Variants in MYH11 observed in about 807,000 individuals in gnomAD.
MYH11 encodes myosin heavy chain 11.
A neutral mutation model predicts 246.6 loss-of-function variants in MYH11; 80 were observed. That is an observed-to-expected ratio of 0.32 (90% CI 0.27 to 0.39). The LOEUF (loss-of-function observed/expected upper bound fraction) is 0.39. MYH11 is among the 10% of genes least tolerant of loss of function. The probability of loss-of-function intolerance (pLI) is 1.00; values close to 1 mark genes in which losing one functional copy is unlikely to be tolerated. For synonymous variants in MYH11, 1,071 were observed against 1,015.5 expected, an observed-to-expected ratio of 1.05 and a Z score of -1.04; for missense variants, 2,158 against 2,546.8, an observed-to-expected ratio of 0.85 and a Z score of 3.29.
intron 40 of MYH11, among the ~76,000 whole-genome samples, chr16:15,709,774 A>G (rs1240970496): frequency 6.6e-6 from 1 of 152,224 alleles, no homozygotes; most frequent in African/African-American, 2.4e-5. Context: ...GTCCCAGGCA[A>G]GGAACCTGCA....
intron 3 of MYH11, among the ~76,000 whole-genome samples, chr16:15,803,273 GTTTAA>G (rs2042930873): frequency 7.6e-6 from 1 of 130,936 alleles, no homozygotes; most frequent in African/African-American, 3.4e-5. Context: ...TGGGAAACCA[GTTTAA>G]TTTTTTTTTT....
At chr16:15,834,823 G>C (rs780006140) in intron 2 of MYH11, among the ~76,000 whole-genome samples, 7 of 151,810 alleles carry the variant, frequency 4.6e-5, no homozygotes, top group Non-Finnish European at 8.8e-5. Context: ...TAATCCCAGC[G>C]CCGTGAAAAG....
intron 10 of MYH11, among the ~76,000 whole-genome samples, chr16:15,762,915 G>T (rs866591109): frequency 1.5e-4 from 23 of 152,144 alleles, no homozygotes; most frequent in African/African-American, 5.6e-4. Flanking sequence ...TATACAGCCT[G>T]GGCTGGGAAA....
intron 37 of MYH11, 80 bp from the exon 38 acceptor site, chr16:15,717,428 T>C: frequency 6.7e-7 from 1 of 1,486,378 alleles, no homozygotes; most frequent in South Asian, 1.1e-5. Flanking sequence ...CTTCCTGCCT[T>C]GTTTGGCCTC....
At chr16:15,789,507 G>C (rs1475854016) in intron 4 of MYH11, among the ~76,000 whole-genome samples, 3 of 152,152 alleles carry the variant, frequency 2.0e-5, no homozygotes, top group Non-Finnish European at 4.4e-5. Flanking sequence ...GGAGAAGCAG[G>C]ATTTGAACGT....
At chr16:15,752,011 C>T (rs761522111) in intron 15 of MYH11, among the ~76,000 whole-genome samples, 9 of 151,812 alleles carry the variant, frequency 5.9e-5, no homozygotes, top group Admixed American at 2.0e-4. Flanking sequence ...AGACTGGTCT[C>T]GAACTCTTGA....
Position 15,721,249 on chromosome 16 carries a change from C to T in MYH11, c.4578+173G>A, listed in dbSNP as rs147037725. On this transcript the variant is annotated intron_variant, in intron 32 of 40. Transcript: ENST00000300036. ...GGACCCCCCAACTCAGACCCATCCT[C>T]GACTGCCATTCTCAGCCCCTCCCAG... 1,652 of 944,096 alleles carry T rather than the reference C, an allele frequency of 1.7e-3. 18 individuals are homozygous for T. In the African/African-American group the frequency reaches 0.025, roughly 14 times the overall value. The allele number at this position is 944,096 out of a possible 1,614,324, so 58.5% of individuals were successfully genotyped here. A position where few individuals can be genotyped will look rare whatever the true frequency, so the allele number is the denominator to read the frequency against.
At chr16:15,772,203 T>C (rs1344849281) in intron 8 of MYH11, among the ~76,000 whole-genome samples, 4 of 147,356 alleles carry the variant, frequency 2.7e-5, no homozygotes, top group East Asian at 4.2e-4. Context: ...GCGATTCTCC[T>C]GCCTCAACCT....
In MYH11 at chr16:15,753,314, C is replaced by T. The variant is rs951933838; in HGVS notation, c.1864+80G>A. 2.1e-5 allele frequency: 27 copies of T among 1,260,040 alleles called. No individual in the cohort carries two copies. In the Admixed American group the frequency reaches 4.8e-4, roughly 23 times the overall value. 78.1% of individuals were successfully genotyped at this position (1,260,040 alleles called of 1,614,324 possible). On this transcript the variant is annotated intron_variant, in intron 15 of 40. Transcript: ENST00000300036. ...CATGTAAAGGCCTCCCCTCCTGGGGCAGGTGTGAGAGTCGGGGGACTTGGG... is the reference window on the plus strand; with the variant it reads ...CATGTAAAGGCCTCCCCTCCTGGGGTAGGTGTGAGAGTCGGGGGACTTGGG...
chr16:15,781,333 G>A (rs1047377293), intron 6 of MYH11, among the ~76,000 whole-genome samples: 1 of 152,086 alleles, frequency 6.6e-6, no homozygotes, highest in Non-Finnish European at 1.5e-5. Context: ...TCTAATTTCG[G>A]GCGAGGAAAG....
chr16:15,729,707 C>T (rs895042391), intron 27 of MYH11, among the ~76,000 whole-genome samples: 1 of 152,098 alleles, frequency 6.6e-6, no homozygotes, highest in East Asian at 1.9e-4. Context: ...ACCGCCACCA[C>T]GTCCAGCTAA....
In MYH11 at chr16:15,719,616, C is replaced by T. The variant is rs755664838; in HGVS notation, c.5051G>A (p.Ser1684Asn). ...TAKENEKKAK[S>N]LEADLMQLQE... ...TAGCTGCATGAGGTCTGCTTCCAAG[C>T]TCTTGGCTTTCTTCTCATTCTCTTT... Residue 1684 changes from serine (S) to asparagine (N), a missense_variant, in exon 35 of 41, where the codon AGC becomes AAC. This residue lies in a region of MYH11 where 1,013 missense variants were observed against 993.5 expected (regional missense o/e 1.02). Coordinates refer to ENST00000300036, the MANE Select transcript of MYH11 (RefSeq NM_002474.3). The T allele has an allele frequency of 6.2e-7, 1 of 1,614,090 alleles. No homozygotes were observed. Among genetic ancestry groups the T allele is most frequent in the East Asian group, 2.2e-5 (1 of 44,888 alleles).
At chr16:15,719,988 G>A (rs1312159811) in intron 34 of MYH11, among the ~76,000 whole-genome samples, 163 bp downstream of exon 34, 1 of 152,080 alleles carries the variant, frequency 6.6e-6, no homozygotes, top group Non-Finnish European at 1.5e-5. Context: ...CCCAGGGCAG[G>A]AGACAGCCAC....
intron 2 of MYH11, among the ~76,000 whole-genome samples, chr16:15,832,564 G>T (rs2043768356): frequency 6.6e-6 from 1 of 152,154 alleles, no homozygotes; most frequent in African/African-American, 2.4e-5. Flanking sequence ...TTCGAGCAAT[G>T]CCAGAAACAG....
chr16:15,768,343 A>AT (rs968074700), intron 9 of MYH11, among the ~76,000 whole-genome samples: 60 of 151,928 alleles, frequency 3.9e-4, no homozygotes, highest in African/African-American at 1.4e-3. Flanking sequence ...GCGCATGAGG[A>AT]TATCTTGAGG....
intron 3 of MYH11, among the ~76,000 whole-genome samples, chr16:15,806,664 G>T (rs1196200460): frequency 1.2e-4 from 19 of 152,086 alleles, no homozygotes; most frequent in Admixed American, 1.2e-3. Context: ...ACCTCTGAAT[G>T]ATTATAAATC....
chr16:15,771,789 G>A, intron 8 of MYH11, 77 bp from the exon 9 acceptor site: 2 of 1,563,470 alleles, frequency 1.3e-6, no homozygotes, highest in Non-Finnish European at 1.8e-6. Context: ...TCTGGTCAAG[G>A]GTCTGGGCCA....
chr16:15,856,831 G>A (rs2044486129), intron 1 of MYH11, 110 bp downstream of exon 1: 1 of 152,154 alleles, frequency 6.6e-6, no homozygotes, highest in South Asian at 2.1e-4. Context: ...CCCTTACGAG[G>A]TTGACAACAG....
chr16:15,759,065 C>T (rs981416334), intron 12 of MYH11, among the ~76,000 whole-genome samples: 4 of 151,942 alleles, frequency 2.6e-5, no homozygotes, highest in East Asian at 3.9e-4. Flanking sequence ...GTTTCTACTA[C>T]ATGAGGTATT....
Sources: allele counts gnomAD v4.1 joint callset (sites outside exome capture counted in the v4.1 genomes callset), GRCh38; gene constraint gnomAD v4.1.1; regional missense constraint gnomAD v4.1.1; transcripts MANE v1.5; gene names NCBI Gene and HGNC (gene_info 2026-07-23, HGNC 2026-07-21).